The following GLI3 variants were observed in gnomAD, a reference collection of about 807,000 sequenced individuals.
GLI3 encodes the protein GLI family zinc finger 3.
GLI3 carries 20 observed loss-of-function variants against 100.8 expected under a neutral mutation model. The ratio of observed to expected loss-of-function variants is 0.20; its 90% CI spans 0.14 to 0.29. The LOEUF (loss-of-function observed/expected upper bound fraction) is 0.29. Among genes scored for constraint, GLI3 ranks in the 10% least tolerant of loss-of-function variants. The pLI is 1.00. For missense variants in GLI3, 2,040 were observed against 2,128.5 expected (o/e 0.96, Z 0.82); for synonymous variants, 938 against 860.5 (o/e 1.09, Z -1.58).
chr7:42,107,154 CAAAAT>C (rs1000468852), intron 3 of GLI3, among the ~76,000 whole-genome samples: 20 of 151,634 alleles, frequency 1.3e-4, no homozygotes, highest in African/African-American at 3.9e-4. Context: ...TGTCTCTGCT[CAAAAT>C]AAAATAAAAT....
chr7:42,249,559 G>A (rs927602353), intron 1 of GLI3, among the ~76,000 whole-genome samples: 4 of 152,150 alleles, frequency 2.6e-5, no homozygotes, highest in Admixed American at 6.5e-5. Flanking sequence ...CCTTGAGGTT[G>A]TGACTTAACT....
chr7:42,054,054 C>T (rs1784404290), intron 4 of GLI3, among the ~76,000 whole-genome samples: 1 of 152,186 alleles, frequency 6.6e-6, no homozygotes, highest in Non-Finnish European at 1.5e-5. Context: ...TCTTCCAAGA[C>T]ATTGGAGACC....
intron 1 of GLI3, among the ~76,000 whole-genome samples, chr7:42,253,422 A>C (rs1162862503): frequency 6.6e-6 from 1 of 152,114 alleles, no homozygotes; most frequent in Non-Finnish European, 1.5e-5. Context: ...ACACCCTTAG[A>C]CCTGCTGTGC....
Position 42,012,623 on chromosome 7 carries a change from G to C in GLI3, c.1497+10845C>G, listed in dbSNP as rs138840603. 2.0e-5 allele frequency among the ~76,000 whole-genome samples: 3 copies of C among 152,128 alleles called. No individual in the cohort carries two copies. The East Asian group carries it at 5.8e-4, about 29-fold the overall frequency. ...TGCTGGCATCTGTAATTCCGTAAAG[G>C]CTTTTCATCTTAAAATAAGATGCTC... On this transcript the variant is annotated intron_variant, in intron 10 of 14. Coordinates refer to ENST00000395925, the MANE Select transcript of GLI3 (RefSeq NM_000168.6).
intron 5 of GLI3, among the ~76,000 whole-genome samples, chr7:42,047,237 T>C (rs1305417818): frequency 6.6e-6 from 1 of 152,230 alleles, no homozygotes; most frequent in Non-Finnish European, 1.5e-5. Flanking sequence ...AACCAGTAAA[T>C]TCAATGCACT....
chr7:41,986,261 G>A (rs1024380557), intron 10 of GLI3, among the ~76,000 whole-genome samples: 4 of 152,134 alleles, frequency 2.6e-5, no homozygotes, highest in African/African-American at 9.7e-5. Flanking sequence ...CCTGCTTTTA[G>A]GTACAAATGT....
At chr7:42,056,520 C>T (rs573713606) in intron 4 of GLI3, among the ~76,000 whole-genome samples, 7 of 152,162 alleles carry the variant, frequency 4.6e-5, no homozygotes, top group South Asian at 4.2e-4. Context: ...TATTGCTTAA[C>T]GTATGCATTA....
intron 2 of GLI3, among the ~76,000 whole-genome samples, chr7:42,184,472 C>A (rs1583629975): frequency 6.6e-6 from 1 of 152,342 alleles, no homozygotes; most frequent in East Asian, 1.9e-4. Flanking sequence ...TGTCTCCTGA[C>A]TAGAAGGCGG....
At position 41,997,913 on chromosome 7, in the gene GLI3, A is replaced by G. The variant is rs578100327; in HGVS notation, c.1498-19165T>C. Among the ~76,000 whole-genome samples the G allele has an allele frequency of 2.0e-5, 3 of 152,312 alleles. No individual in the cohort carries two copies. In the East Asian group the frequency reaches 5.8e-4, roughly 29 times the overall value. ...CAGATGCACTGAAAAGATTTTCTCA[A>G]TTTAGCTCTAATATTGATGTTTTCT... On this transcript the variant is annotated intron_variant, in intron 10 of 14. Transcript: ENST00000395925.
intron 10 of GLI3, among the ~76,000 whole-genome samples, chr7:41,982,928 C>A (rs1347495977): frequency 6.6e-6 from 1 of 152,146 alleles, no homozygotes; most frequent in South Asian, 2.1e-4. Context: ...CAAACATTTT[C>A]TGTAAAAGCT....
At chr7:42,055,583 A>G (rs924588975) in intron 4 of GLI3, among the ~76,000 whole-genome samples, 4 of 152,038 alleles carry the variant, frequency 2.6e-5, no homozygotes, top group African/African-American at 9.7e-5. Context: ...TCACTTTTTC[A>G]TTCCAACTTT....
At chr7:42,253,274 C>T (rs566304028) in intron 1 of GLI3, among the ~76,000 whole-genome samples, 1 of 152,258 alleles carries the variant, frequency 6.6e-6, no homozygotes, top group South Asian at 2.1e-4. Flanking sequence ...TCTCCAGAAG[C>T]ACCTTGTTCA....
At position 42,128,662 on chromosome 7, in the gene GLI3, T is replaced by A. The variant is rs187503916; in HGVS notation, c.367+19564A>T. 2.8e-3 allele frequency among the ~76,000 whole-genome samples: 425 copies of A among 151,670 alleles called. 1 individual carries two copies. The highest frequency in any genetic ancestry group is 3.0e-3 in the Non-Finnish European group (207 of 67,916). On this transcript the variant is annotated intron_variant, in intron 3 of 14. Coordinates refer to ENST00000395925, the MANE Select transcript of GLI3 (RefSeq NM_000168.6). ...AAGGATTCAGCAGCATCAGAAGAGATCTTAAATGTGCAGAGGGAAAAACTG... is the reference window on the plus strand; with the variant it reads ...AAGGATTCAGCAGCATCAGAAGAGAACTTAAATGTGCAGAGGGAAAAACTG...
chr7:42,065,589 G>A (rs1336713280), intron 4 of GLI3, among the ~76,000 whole-genome samples: 1 of 152,138 alleles, frequency 6.6e-6, no homozygotes, highest in Non-Finnish European at 1.5e-5. Context: ...ATATGTACAA[G>A]AAAATGTAGT....
At chr7:42,031,282 A>G (rs1789288972) in intron 7 of GLI3, among the ~76,000 whole-genome samples, 1 of 152,266 alleles carries the variant, frequency 6.6e-6, no homozygotes, top group South Asian at 2.1e-4. Flanking sequence ...ATTTAAGACA[A>G]TAACAACAAA....
At chr7:42,052,777 C>T (rs1203254814) in intron 4 of GLI3, among the ~76,000 whole-genome samples, 5 of 152,152 alleles carry the variant, frequency 3.3e-5, no homozygotes. Context: ...ATTGTTTCCA[C>T]ATTAGGCTCT....
intron 7 of GLI3, among the ~76,000 whole-genome samples, chr7:42,031,017 G>C (rs55740731): frequency 0.62 from 94,702 of 151,564 alleles, 31,428 homozygotes; most frequent in African/African-American, 0.87. Flanking sequence ...CCACACCCAG[G>C]CATAGTTGAA....
At chr7:42,106,454 G>A (rs1054390137) in intron 3 of GLI3, among the ~76,000 whole-genome samples, 1 of 152,214 alleles carries the variant, frequency 6.6e-6, no homozygotes, top group Non-Finnish European at 1.5e-5. Context: ...ATGGCCACAT[G>A]AGCAAGGACG....
intron 2 of GLI3, among the ~76,000 whole-genome samples, chr7:42,183,789 G>A (rs1344781750): frequency 6.6e-6 from 1 of 152,124 alleles, no homozygotes; most frequent in African/African-American, 2.4e-5. Context: ...CCTCTTCAGA[G>A]CTGGACCGTC....
Sources: allele counts gnomAD v4.1 joint callset (sites outside exome capture counted in the v4.1 genomes callset), GRCh38; gene constraint gnomAD v4.1.1; transcripts MANE v1.5; gene names NCBI Gene and HGNC (gene_info 2026-07-23, HGNC 2026-07-21).